Variants in TAFA4 observed in about 807,000 individuals in gnomAD.
TAFA4 encodes chemokine-like protein TAFA-4.
In TAFA4, 20 loss-of-function variants were observed where a neutral mutation model predicts 21.1. The observed-to-expected ratio is 0.95, with a 90% CI of 0.67 to 1.38. TAFA4 has a LOEUF of 1.38. TAFA4 is among the 40% of genes most tolerant of loss of function. The probability of loss-of-function intolerance (pLI) is 0.00; values close to 1 mark genes in which losing one functional copy is unlikely to be tolerated. For synonymous variants in TAFA4, 71 were observed against 67.4 expected (o/e 1.05, Z -0.26); for missense variants, 211 against 180.9 (o/e 1.17, Z -0.95).
chr3:68,739,238 T>A (rs1702301538), intron 4 of TAFA4, 39 bp from the exon 5 acceptor site: 1 of 1,610,832 alleles, frequency 6.2e-7, no homozygotes, highest in Non-Finnish European at 8.5e-7. Flanking sequence ...TGACACTGTT[T>A]CTTCCTCCAA....
At chr3:68,754,296 A>G (rs1702618180) in intron 3 of TAFA4, among the ~76,000 whole-genome samples, 2 of 152,210 alleles carry the variant, frequency 1.3e-5, no homozygotes, top group Non-Finnish European at 2.9e-5. Context: ...CCCTGATCAG[A>G]ATCCAACCAA....
At chr3:68,861,105 A>C (rs1450197991) in intron 3 of TAFA4, among the ~76,000 whole-genome samples, 1 of 146,502 alleles carries the variant, frequency 6.8e-6, no homozygotes, top group Non-Finnish European at 1.5e-5. Context: ...CAGTTTCCTA[A>C]AGGGACACTT....
chr3:68,828,959 T>A lies in TAFA4; in HGVS notation c.130+51771A>T, dbSNP rs536667732. Among the ~76,000 whole-genome samples the A allele has an allele frequency of 6.6e-5, 10 of 152,150 alleles. No individual in the cohort carries two copies. The East Asian group carries it at 9.6e-4, about 15-fold the overall frequency. ...GAGGGCATCCATGTCCTGTGCTGGT[T>A]TTCAAAGGGAATGCAATCCATTTTG... On this transcript the variant is annotated intron_variant, in intron 3 of 5. Coordinates refer to ENST00000295569, the MANE Select transcript of TAFA4 (RefSeq NM_182522.5).
chr3:68,871,570 T>A (rs1045218287), intron 3 of TAFA4, among the ~76,000 whole-genome samples: 6 of 151,930 alleles, frequency 3.9e-5, no homozygotes, highest in African/African-American at 1.4e-4. Context: ...AAAGCAAAAA[T>A]TTTCTGCATT....
chr3:68,834,500 A>G (rs1704476483), intron 3 of TAFA4, among the ~76,000 whole-genome samples: 1 of 152,146 alleles, frequency 6.6e-6, no homozygotes, highest in Non-Finnish European at 1.5e-5. Context: ...CATCATCATC[A>G]TCACCATCTT....
chr3:68,912,786 T>C (rs1461649844), intron 1 of TAFA4, among the ~76,000 whole-genome samples: 1 of 152,172 alleles, frequency 6.6e-6, no homozygotes, highest in Non-Finnish European at 1.5e-5. Context: ...GAATACCCTC[T>C]CTGGGGCTTC....
At chr3:68,892,898 T>C (rs994375964) in intron 1 of TAFA4, among the ~76,000 whole-genome samples, 6 of 152,158 alleles carry the variant, frequency 3.9e-5, no homozygotes, top group Non-Finnish European at 8.8e-5. Context: ...ACTGAAAACT[T>C]AGCTGGCAAG....
intron 4 of TAFA4, among the ~76,000 whole-genome samples, chr3:68,740,567 G>A (rs532677590): frequency 3.3e-5 from 5 of 152,170 alleles, no homozygotes; most frequent in African/African-American, 1.2e-4. Flanking sequence ...TGAGCAGGTA[G>A]GTTTCTTTTA....
At chr3:68,880,682 G>A in intron 3 of TAFA4, 48 bp downstream of exon 3, 5 of 1,485,292 alleles carry the variant, frequency 3.4e-6, no homozygotes, top group Non-Finnish European at 4.7e-6. Context: ...CTGACATTTG[G>A]AGGGGTTTTA....
At chr3:68,880,548 T>C (rs918026270) in intron 3 of TAFA4, among the ~76,000 whole-genome samples, 182 bp downstream of exon 3, 1 of 152,212 alleles carries the variant, frequency 6.6e-6, no homozygotes, top group African/African-American at 2.4e-5. Context: ...TGAAAAATAT[T>C]TTTAAAGGAC....
intron 1 of TAFA4, among the ~76,000 whole-genome samples, chr3:68,919,422 G>T (rs2090035950): frequency 6.6e-6 from 1 of 152,072 alleles, no homozygotes; most frequent in South Asian, 2.1e-4. Flanking sequence ...GAACAAAATA[G>T]ACTACACTTC....
intron 3 of TAFA4, among the ~76,000 whole-genome samples, chr3:68,774,123 A>G (rs1202945155): frequency 1.3e-5 from 2 of 152,190 alleles, no homozygotes; most frequent in Admixed American, 6.5e-5. Context: ...CCCAAGCTCC[A>G]GTCCTAGGAG....
At chr3:68,838,356 T>A (rs547962224) in intron 3 of TAFA4, among the ~76,000 whole-genome samples, 47 of 152,360 alleles carry the variant, frequency 3.1e-4, no homozygotes, top group African/African-American at 9.6e-4. Flanking sequence ...AGAATACATT[T>A]GTATGTTTTC....
intron 3 of TAFA4, among the ~76,000 whole-genome samples, chr3:68,800,109 T>C (rs1703544661): frequency 6.6e-6 from 1 of 152,194 alleles, no homozygotes; most frequent in African/African-American, 2.4e-5. Flanking sequence ...TGGTGAGTTG[T>C]ATAATTATTT....
chr3:68,911,455 A>G (rs1250119631), intron 1 of TAFA4, among the ~76,000 whole-genome samples: 7 of 152,212 alleles, frequency 4.6e-5, no homozygotes, highest in South Asian at 4.1e-4. Context: ...GCTCATTTAC[A>G]CCTCACACAC....
chr3:68,733,114 C>G lies in TAFA4; in HGVS notation c.*28G>C, dbSNP rs983512630. The G allele has an allele frequency of 4.3e-6, 7 of 1,612,914 alleles. No individual in the cohort carries two copies. The highest frequency in any genetic ancestry group is 1.7e-5 in the Admixed American group (1 of 59,922). On this transcript the variant is annotated 3_prime_UTR_variant, in exon 6 of 6. Coordinates refer to ENST00000295569, the MANE Select transcript of TAFA4 (RefSeq NM_182522.5). ...AAGAGCTCCGCCTCCTGCTGCCCCT[C>G]CAGGATTGAAGCACACCTCTCTCTT...
chr3:68,759,109 A>G (rs1702713817), intron 3 of TAFA4, among the ~76,000 whole-genome samples: 1 of 152,194 alleles, frequency 6.6e-6, no homozygotes, highest in Admixed American at 6.5e-5. Flanking sequence ...TCAGGTCTGA[A>G]GGCAGGAAAA....
In TAFA4 at chr3:68,851,328, A is replaced by AG. The variant is rs548393253; in HGVS notation, c.130+29401dup. 4.1e-4 allele frequency among the ~76,000 whole-genome samples: 62 copies of AG among 152,242 alleles called. No homozygotes were observed. The Middle Eastern group carries it at 0.014, about 33-fold the overall frequency. On this transcript the variant is annotated intron_variant, in intron 3 of 5. Transcript: ENST00000295569. The stretch of plus-strand genomic sequence containing the variant: ...CATAGGGAGGGGAACAACACACACT[A>AG]GAACCTGTCGGGGGGTGCAGTGTAG...
intron 3 of TAFA4, among the ~76,000 whole-genome samples, chr3:68,811,416 A>T (rs1351269951): frequency 6.6e-6 from 1 of 152,186 alleles, no homozygotes; most frequent in African/African-American, 2.4e-5. Context: ...AAGAAGTTGA[A>T]AACCTTGAAA....
Sources: allele counts gnomAD v4.1 joint callset (sites outside exome capture counted in the v4.1 genomes callset), GRCh38; gene constraint gnomAD v4.1.1; transcripts MANE v1.5; gene names NCBI Gene and HGNC (gene_info 2026-07-23, HGNC 2026-07-21).